IL34: variants seen among roughly 807,000 people sequenced by gnomAD.
IL34 encodes interleukin 34.
A neutral mutation model predicts 25.3 loss-of-function variants in IL34; 17 were observed. The observed-to-expected ratio is 0.67, with a 90% CI of 0.46 to 1.01. The LOEUF is 1.01. Among genes scored for constraint, IL34 ranks in the 50% least tolerant of loss-of-function variants. The pLI is 0.00. For synonymous variants in IL34, 174 were observed against 140.9 expected (o/e 1.23, Z -1.66); for missense variants, 368 against 312.9 (o/e 1.18, Z -1.33).
chr16:70,609,894 G>T (rs1458238977), intron 1 of IL34, among the ~76,000 whole-genome samples: 1 of 152,142 alleles, frequency 6.6e-6, no homozygotes, highest in African/African-American at 2.4e-5. Flanking sequence ...GTTTTGAGAG[G>T]TTTGCACCAT....
At chr16:70,644,040 T>C (rs2051848498), upstream of IL34, among the ~76,000 whole-genome samples, 1 of 152,224 alleles carries the variant, frequency 6.6e-6, no homozygotes, top group Admixed American at 6.6e-5. Context: ...AGTGGAGCAA[T>C]CTTGGCTCAC....
intron 1 of IL34, among the ~76,000 whole-genome samples, chr16:70,647,232 A>G (rs2051959918): frequency 2.6e-5 from 4 of 152,130 alleles, no homozygotes; most frequent in South Asian, 2.1e-4. Context: ...AGGTCGGGGC[A>G]GGCACTGGGG....
rs1328294147 is a variant in IL34 at position 70,626,137 on chromosome 16, A to G, written c.-400-20411A>G. On this transcript the variant is annotated intron_variant, in intron 1 of 6. Coordinates refer to the IL34 transcript ENST00000429149. ...GAGTCAGCCTGTTTTGCTTATTTTT[A>G]AAATTACATTGTTGGCTTTTTCTTT... Among the ~76,000 whole-genome samples, 10 of 152,336 alleles carry G rather than the reference A, an allele frequency of 6.6e-5. No individual in the cohort carries two copies. The East Asian group carries it at 1.9e-3, about 29-fold the overall frequency.
chr16:70,627,660 G>A (rs1359435549), intron 1 of IL34, among the ~76,000 whole-genome samples: 6 of 151,962 alleles, frequency 3.9e-5, no homozygotes, highest in African/African-American at 1.5e-4. Flanking sequence ...TGTAGAGATG[G>A]GATCTCACTA....
At chr16:70,648,935 TCA>T (rs2052011325) in intron 1 of IL34, among the ~76,000 whole-genome samples, 1 of 152,300 alleles carries the variant, frequency 6.6e-6, no homozygotes, top group African/African-American at 2.4e-5. Flanking sequence ...GCCTAGTCAC[TCA>T]GATCTCCCTT....
At chr16:70,620,965 G>T (rs887584497) in intron 1 of IL34, among the ~76,000 whole-genome samples, 1 of 152,182 alleles carries the variant, frequency 6.6e-6, no homozygotes, top group East Asian at 1.9e-4. Flanking sequence ...GAGACACGGA[G>T]AAGGGGTGGA....
chr16:70,630,217 G>A (rs1300043415), intron 1 of IL34, among the ~76,000 whole-genome samples: 1 of 152,086 alleles, frequency 6.6e-6, no homozygotes, highest in Non-Finnish European at 1.5e-5. Flanking sequence ...TTCTGTATAT[G>A]TTCTACATTT....
Position 70,660,260 on chromosome 16 carries a change from T to C in IL34, c.*73T>C. 7.3e-7 allele frequency: 1 copy of C among 1,378,848 alleles called. No homozygotes were observed. Among genetic ancestry groups the C allele is most frequent in the African/African-American group, 1.5e-5 (1 of 68,678 alleles). 85.4% of individuals were successfully genotyped at this position (1,378,848 alleles called of 1,614,324 possible). A position where few individuals can be genotyped will look rare whatever the true frequency, so the allele number is the denominator to read the frequency against. ...CAGGAGTTCAACTGGGTCTGAGACT[T>C]CAAGGGGTGGTGGTGGGAGCCCCCC... On this transcript the variant is annotated 3_prime_UTR_variant, in exon 6 of 6. Transcript: ENST00000288098.
intron 1 of IL34, among the ~76,000 whole-genome samples, chr16:70,619,634 G>C (rs182831343): frequency 8.4e-4 from 128 of 152,268 alleles, no homozygotes; most frequent in Non-Finnish European, 3.8e-4. Flanking sequence ...GATTAAGAAG[G>C]GAAAGGGCTT....
At chr16:70,602,037 C>T (rs2050925793) in intron 1 of IL34, among the ~76,000 whole-genome samples, 1 of 152,220 alleles carries the variant, frequency 6.6e-6, no homozygotes, top group South Asian at 2.1e-4. Flanking sequence ...TGGGCTACAG[C>T]TGGAGTGGAC....
intron 5 of IL34, 82 bp from the exon 6 acceptor site, chr16:70,659,915 C>T (rs931826870): frequency 1.6e-5 from 23 of 1,481,824 alleles, no homozygotes; most frequent in Non-Finnish European, 9.1e-7. Flanking sequence ...GAGTGGGGGA[C>T]AAGCACATGC....
At chr16:70,586,791 G>T (rs2050699937) in intron 1 of IL34, among the ~76,000 whole-genome samples, 1 of 152,184 alleles carries the variant, frequency 6.6e-6, no homozygotes, top group South Asian at 2.1e-4. Flanking sequence ...TACAGATGAA[G>T]AAATCGAGGT....
intron 1 of IL34, among the ~76,000 whole-genome samples, chr16:70,584,857 C>A (rs571987934): frequency 1.3e-5 from 2 of 151,864 alleles, no homozygotes; most frequent in Admixed American, 1.3e-4. Flanking sequence ...CCTGCCACCA[C>A]GCCCGGCTAA....
intron 1 of IL34, among the ~76,000 whole-genome samples, chr16:70,641,351 A>G (rs2151862573): frequency 6.6e-6 from 1 of 152,318 alleles, no homozygotes; most frequent in Non-Finnish European, 1.5e-5. Context: ...CATAATGGCC[A>G]AAAGGTGGAA....
intron 1 of IL34, among the ~76,000 whole-genome samples, chr16:70,591,331 C>G (rs910028943): frequency 8.5e-5 from 13 of 152,076 alleles, no homozygotes; most frequent in Admixed American, 8.5e-4. Flanking sequence ...CTCCTTTGTC[C>G]CCAGAGCTGA....
chr16:70,609,371 G>A (rs1467920307), intron 1 of IL34, among the ~76,000 whole-genome samples: 5 of 152,204 alleles, frequency 3.3e-5, no homozygotes, highest in African/African-American at 7.2e-5. Context: ...GAGCCACCAC[G>A]CTTGGCCTGA....
chr16:70,599,997 C>T (rs1190307156), intron 1 of IL34, among the ~76,000 whole-genome samples: 1 of 152,112 alleles, frequency 6.6e-6, no homozygotes, highest in Non-Finnish European at 1.5e-5. Flanking sequence ...GCTTCCAAGT[C>T]CCTCTGTAGT....
chr16:70,606,400 A>G (rs990504452), intron 1 of IL34, among the ~76,000 whole-genome samples: 2 of 152,144 alleles, frequency 1.3e-5, no homozygotes, highest in East Asian at 3.9e-4. Context: ...TCTGTCTCAA[A>G]AAACAAAAAT....
chr16:70,648,139 G>T (rs1378327227), intron 1 of IL34, among the ~76,000 whole-genome samples: 1 of 152,222 alleles, frequency 6.6e-6, no homozygotes, highest in Admixed American at 6.5e-5. Flanking sequence ...CCCGGCGGGG[G>T]TGGAATCGTG....
Sources: gnomAD v4.1 joint callset for allele counts (sites outside exome capture counted in the v4.1 genomes callset) on GRCh38, gnomAD v4.1.1 for gene constraint, MANE v1.5 for transcripts, NCBI Gene and HGNC (gene_info 2026-07-23, HGNC 2026-07-21) for gene names.